Variants in MAP2 observed in about 807,000 individuals in gnomAD.
The protein encoded by MAP2 is microtubule associated protein 2, also known as microtubule-associated protein 2.
Under a neutral mutation model 137.6 loss-of-function variants are expected in MAP2, and 14 were observed. The observed-to-expected ratio is 0.10, with a 90% CI of 0.07 to 0.16. The LOEUF is 0.16. MAP2 is among the 10% of genes least tolerant of loss of function. The pLI is 1.00. For synonymous variants in MAP2, 786 were observed against 782.3 expected (o/e 1.00, Z -0.08); for missense variants, 2,088 against 2,191.5 (o/e 0.95, Z 0.94).
At chr2:209,619,136 A>T (rs2090400070) in intron 3 of MAP2, among the ~76,000 whole-genome samples, 1 of 152,136 alleles carries the variant, frequency 6.6e-6, no homozygotes, top group African/African-American at 2.4e-5. Flanking sequence ...TGTTGGGGGT[A>T]TGCTGGGGAG....
intron 1 of MAP2, among the ~76,000 whole-genome samples, chr2:209,492,631 C>G (rs925664267): frequency 1.3e-5 from 2 of 152,122 alleles, no homozygotes; most frequent in Admixed American, 6.5e-5. Flanking sequence ...CACAAGCATT[C>G]CTATACACCA....
At chr2:209,566,228 T>C in intron 2 of MAP2, among the ~76,000 whole-genome samples, 1 of 152,194 alleles carries the variant, frequency 6.6e-6, no homozygotes, top group South Asian at 2.1e-4. Context: ...TCCTAATTAA[T>C]ATATCCTCTG....
At chr2:209,456,761 C>G (rs1701632696) in intron 1 of MAP2, among the ~76,000 whole-genome samples, 1 of 152,200 alleles carries the variant, frequency 6.6e-6, no homozygotes, top group African/African-American at 2.4e-5. Context: ...CAGACATTAG[C>G]CTATGAAACA....
intron 1 of MAP2, among the ~76,000 whole-genome samples, chr2:209,498,573 T>TGCCCCTGCA (rs2060024975): frequency 6.6e-6 from 1 of 152,384 alleles, no homozygotes; most frequent in African/African-American, 2.4e-5. Context: ...AGCAGGCTTC[T>TGCCCCTGCA]GCCTGGGCAT....
chr2:209,436,032 A>ACAGTATATAT (rs1559159839), intron 1 of MAP2, among the ~76,000 whole-genome samples: 1 of 141,254 alleles, frequency 7.1e-6, no homozygotes, highest in Non-Finnish European at 1.5e-5. Flanking sequence ...TAAAATATAT[A>ACAGTATATAT]TATATGTACT....
chr2:209,570,356 T>G (rs1326826807), intron 2 of MAP2, among the ~76,000 whole-genome samples: 1 of 151,850 alleles, frequency 6.6e-6, no homozygotes, highest in African/African-American at 2.4e-5. Flanking sequence ...AGGGATTGAA[T>G]TTCTGCTCTA....
chr2:209,666,880 T>C (rs1366063857), intron 5 of MAP2, among the ~76,000 whole-genome samples: 1 of 152,024 alleles, frequency 6.6e-6, no homozygotes, highest in African/African-American at 2.4e-5. Flanking sequence ...ATATCGAGCA[T>C]TTTTTCAATT....
intron 3 of MAP2, among the ~76,000 whole-genome samples, chr2:209,609,513 T>C (rs1580443723): frequency 6.6e-6 from 1 of 152,274 alleles, no homozygotes; most frequent in East Asian, 1.9e-4. Flanking sequence ...CTCACCTCTA[T>C]CCTAGACAAC....
intron 13 of MAP2, among the ~76,000 whole-genome samples, chr2:209,717,790 C>T (rs1490183918): frequency 6.6e-6 from 1 of 152,168 alleles, no homozygotes; most frequent in Non-Finnish European, 1.5e-5. Flanking sequence ...GACAATGAGG[C>T]ATGGTCTCTG....
At chr2:209,437,462 G>T (rs1287889493) in intron 1 of MAP2, among the ~76,000 whole-genome samples, 4 of 151,498 alleles carry the variant, frequency 2.6e-5, no homozygotes, top group African/African-American at 9.7e-5. Context: ...TTTGATTTTT[G>T]TTTTGTTTTA....
At chr2:209,603,934 G>A (rs1232552974) in intron 3 of MAP2, among the ~76,000 whole-genome samples, 2 of 152,024 alleles carry the variant, frequency 1.3e-5, no homozygotes. Flanking sequence ...TTTGCTGATC[G>A]GAGGAATGTG....
chr2:209,450,577 C>T (rs553120448), intron 1 of MAP2, among the ~76,000 whole-genome samples: 1 of 152,296 alleles, frequency 6.6e-6, no homozygotes, highest in Admixed American at 6.5e-5. Flanking sequence ...ATCTAAAACT[C>T]TTCATTATTT....
At chr2:209,437,081 G>A (rs1452082900) in intron 1 of MAP2, among the ~76,000 whole-genome samples, 1 of 151,578 alleles carries the variant, frequency 6.6e-6, no homozygotes, top group African/African-American at 2.4e-5. Context: ...CATTGTTCTT[G>A]TTCAGTTTTC....
At chr2:209,687,653 C>T (rs1169526393) in intron 7 of MAP2, among the ~76,000 whole-genome samples, 1 of 152,132 alleles carries the variant, frequency 6.6e-6, no homozygotes, top group African/African-American at 2.4e-5. Context: ...TTTGTTTCGT[C>T]CGTCTGATCT....
At chr2:209,521,194 T>C (rs2063222801) in intron 2 of MAP2, among the ~76,000 whole-genome samples, 1 of 151,996 alleles carries the variant, frequency 6.6e-6, no homozygotes, top group Non-Finnish European at 1.5e-5. Context: ...AGAAGTGTGC[T>C]AGAAAAGAAC....
At chr2:209,613,009 A>G (rs2087515299) in intron 3 of MAP2, among the ~76,000 whole-genome samples, 1 of 152,112 alleles carries the variant, frequency 6.6e-6, no homozygotes, top group African/African-American at 2.4e-5. Context: ...TTGCTACTGT[A>G]ATAAATTCTT....
At chr2:209,473,511 A>T (rs1195993768) in intron 1 of MAP2, among the ~76,000 whole-genome samples, 2 of 152,082 alleles carry the variant, frequency 1.3e-5, no homozygotes, top group African/African-American at 4.8e-5. Flanking sequence ...CTTTTGTCAC[A>T]TATGTTTTCA....
chr2:209,532,214 G>A (rs2065216568), intron 2 of MAP2, among the ~76,000 whole-genome samples: 1 of 148,274 alleles, frequency 6.7e-6, no homozygotes, highest in South Asian at 2.1e-4. Flanking sequence ...CACCAGCCTA[G>A]GTGACAGAGG....
At chr2:209,558,250 G>A (rs749386400) in intron 2 of MAP2, among the ~76,000 whole-genome samples, 24 of 151,998 alleles carry the variant, frequency 1.6e-4, no homozygotes, top group Non-Finnish European at 2.8e-4. Flanking sequence ...GTGCAGTGGC[G>A]TGATCTTGGC....
Sources: gnomAD v4.1 joint callset for allele counts (sites outside exome capture counted in the v4.1 genomes callset) on GRCh38, gnomAD v4.1.1 for gene constraint, MANE v1.5 for transcripts, NCBI Gene and HGNC (gene_info 2026-07-23, HGNC 2026-07-21) for gene names.